The following RGS7 variants were observed in gnomAD, a reference collection of about 807,000 sequenced individuals.
The protein encoded by RGS7 is regulator of G-protein signaling 7.
A neutral mutation model predicts 81.1 loss-of-function variants in RGS7; 27 were observed. The ratio of observed to expected loss-of-function variants is 0.33; its 90% confidence interval spans 0.25 to 0.46. The LOEUF is 0.46. RGS7 is among the 20% of genes least tolerant of loss of function. RGS7 has a pLI of 1.00. For synonymous variants in RGS7, 208 were observed against 207.7 expected (o/e 1.00, Z -0.01); for missense variants, 396 against 607.4 (o/e 0.65, Z 3.66).
At chr1:241,299,389 A>G (rs2079604461) in intron 2 of RGS7, among the ~76,000 whole-genome samples, 1 of 152,126 alleles carries the variant, frequency 6.6e-6, no homozygotes, top group African/African-American at 2.4e-5. Context: ...TTTTAGTGCT[A>G]GAATAAATGT....
chr1:241,110,517 A>G (rs1479491627), intron 2 of RGS7, among the ~76,000 whole-genome samples: 1 of 152,244 alleles, frequency 6.6e-6, no homozygotes. Flanking sequence ...TGGATGAGTG[A>G]AAAAGGCAGA....
At chr1:240,884,617 TTTG>T (rs1188504730) in intron 6 of RGS7, among the ~76,000 whole-genome samples, 3 of 152,172 alleles carry the variant, frequency 2.0e-5, no homozygotes, top group Admixed American at 2.0e-4. Flanking sequence ...CCTGCAACCA[TTTG>T]ATCTTCCACA....
intron 6 of RGS7, among the ~76,000 whole-genome samples, chr1:240,895,981 T>C (rs1669027549): frequency 6.6e-6 from 1 of 152,240 alleles, no homozygotes; most frequent in Non-Finnish European, 1.5e-5. Flanking sequence ...ATCGCCATTC[T>C]AACTGGTATG....
intron 2 of RGS7, among the ~76,000 whole-genome samples, chr1:241,298,805 A>G (rs1276882541): frequency 1.3e-5 from 2 of 152,170 alleles, no homozygotes; most frequent in East Asian, 3.9e-4. Context: ...GGCAGTGGCA[A>G]TATCAGTAAA....
chr1:241,190,002 C>T (rs1057374188), intron 2 of RGS7, among the ~76,000 whole-genome samples: 15 of 152,054 alleles, frequency 9.9e-5, no homozygotes, highest in Non-Finnish European at 1.5e-4. Flanking sequence ...ACTCGGGAGG[C>T]TGAGGCAGGA....
chr1:240,917,838 C>G (rs966988503), intron 6 of RGS7, among the ~76,000 whole-genome samples: 2 of 152,032 alleles, frequency 1.3e-5, no homozygotes, highest in African/African-American at 4.8e-5. Context: ...GGATATAAAA[C>G]AGAACCAACT....
At chr1:241,187,280 A>C (rs2072207427) in intron 2 of RGS7, among the ~76,000 whole-genome samples, 1 of 152,174 alleles carries the variant, frequency 6.6e-6, no homozygotes, top group Non-Finnish European at 1.5e-5. Context: ...TTTTACTCTC[A>C]TTTCATTTCC....
rs889241653 is a variant in RGS7, at chr1:241,031,586, C to A, written c.176-48457G>T. ...TCCATAGAAGTACTAATTTGCATTT[C>A]CACCCACATTGTATAAACGTTCCTT... is the stretch of plus-strand genomic sequence containing the variant. On this transcript the variant is annotated intron_variant, in intron 3 of 18. Transcript: ENST00000440928. Among the ~76,000 whole-genome samples the A allele has an allele frequency of 3.3e-5, 5 of 152,280 alleles. No homozygotes were observed. The East Asian group carries it at 9.6e-4, about 29-fold the overall frequency.
intron 4 of RGS7, among the ~76,000 whole-genome samples, chr1:240,964,363 T>G (rs988555099): frequency 1.3e-5 from 2 of 152,136 alleles, no homozygotes; most frequent in African/African-American, 2.4e-5. Context: ...TTGGGAACCA[T>G]GACATCTTGG....
intron 3 of RGS7, among the ~76,000 whole-genome samples, chr1:241,097,564 C>T (rs2815839): frequency 0.41 from 62,403 of 151,792 alleles, 13,966 homozygotes; most frequent in African/African-American, 0.6. Context: ...CCTGCAACCC[C>T]TGTACAGGAA....
chr1:241,052,975 G>C (rs2061327522), intron 3 of RGS7, among the ~76,000 whole-genome samples: 1 of 151,678 alleles, frequency 6.6e-6, no homozygotes. Context: ...CTAAGTTCTG[G>C]GTGCTTCAAA....
rs568810370 is a variant in RGS7, at chr1:241,028,664, C to A, written c.176-45535G>T. Among the ~76,000 whole-genome samples the A allele has an allele frequency of 2.6e-5, 4 of 152,146 alleles. No individual in the cohort carries two copies. The South Asian group carries it at 8.3e-4, about 32-fold the overall frequency. On this transcript the variant is annotated intron_variant, in intron 3 of 18. Transcript: ENST00000440928. ...ATGCAGGCAGAGCAATGGAGATCAG[C>A]GAGGGCCCAGGGAGGCGCAGGGACT...
intron 3 of RGS7, chr1:240,998,557 C>T (rs1414047152): frequency 1.2e-6 from 1 of 847,702 alleles, no homozygotes; most frequent in African/African-American, 1.7e-5. Flanking sequence ...CGGGCAGAAG[C>T]TCCTGCTGGT....
chr1:240,903,503 G>C lies in RGS7; in HGVS notation c.385+27214C>G, dbSNP rs1670346065. On this transcript the variant is annotated intron_variant, in intron 6 of 18. Transcript: ENST00000440928. ...AATAATATATTTATATCAATGATATGTTAATTATATATTAAAAATAAATAA... is the reference window on the plus strand; with the variant it reads ...AATAATATATTTATATCAATGATATCTTAATTATATATTAAAAATAAATAA... Among the ~76,000 whole-genome samples the C allele has an allele frequency of 2.0e-5, 3 of 151,856 alleles. No homozygotes were observed. The South Asian group carries it at 6.2e-4, about 31-fold the overall frequency.
chr1:240,870,316 A>G (rs968212681), intron 6 of RGS7, among the ~76,000 whole-genome samples, 197 bp from the exon 7 acceptor site: 1 of 152,180 alleles, frequency 6.6e-6, no homozygotes, highest in Non-Finnish European at 1.5e-5. Context: ...TACCCTAATA[A>G]AATAAATATG....
At chr1:241,294,241 G>A (rs750881709) in intron 2 of RGS7, among the ~76,000 whole-genome samples, 1 of 151,954 alleles carries the variant, frequency 6.6e-6, no homozygotes, top group South Asian at 2.1e-4. Flanking sequence ...GTTGAACAAT[G>A]AGAACACATG....
At chr1:241,322,219 T>C (rs902133606) in intron 2 of RGS7, among the ~76,000 whole-genome samples, 1 of 152,318 alleles carries the variant, frequency 6.6e-6, no homozygotes, top group Middle Eastern at 3.4e-3. Context: ...TAAGTAAACC[T>C]CACCTTGCTC....
At chr1:241,057,194 T>C (rs1407182129) in intron 3 of RGS7, among the ~76,000 whole-genome samples, 1 of 152,164 alleles carries the variant, frequency 6.6e-6, no homozygotes, top group Non-Finnish European at 1.5e-5. Flanking sequence ...GAATTTTCAC[T>C]GCAGATAGAC....
At chr1:240,841,319 C>G (rs1212467359) in intron 9 of RGS7, among the ~76,000 whole-genome samples, 1 of 152,160 alleles carries the variant, frequency 6.6e-6, no homozygotes, top group Admixed American at 6.5e-5. Flanking sequence ...TAAAGCGGTT[C>G]CCATCTTGAC....
Sources: allele counts gnomAD v4.1 joint callset (sites outside exome capture counted in the v4.1 genomes callset), GRCh38; gene constraint gnomAD v4.1.1; transcripts MANE v1.5; gene names NCBI Gene and HGNC (gene_info 2026-07-23, HGNC 2026-07-21).